VRK2: variants seen among roughly 807,000 people sequenced by gnomAD.
The protein encoded by VRK2 is serine/threonine-protein kinase VRK2.
In VRK2, 60 loss-of-function variants were observed where a neutral mutation model predicts 57.6. The observed-to-expected ratio is 1.04, with a 90% CI of 0.85 to 1.29. VRK2 has a LOEUF of 1.29. Ranked by LOEUF, VRK2 falls within the 50% of genes most tolerant of loss-of-function variation. The pLI, the probability that VRK2 is intolerant of heterozygous loss-of-function variation, is 0.00. For missense variants in VRK2, 705 were observed against 588.1 expected, an observed-to-expected ratio of 1.20 and a Z score of -2.06; for synonymous variants, 231 against 199.2, an observed-to-expected ratio of 1.16 and a Z score of -1.35.
intron 2 of VRK2, among the ~76,000 whole-genome samples, chr2:58,059,471 T>C (rs1446028911): frequency 4.6e-5 from 7 of 151,918 alleles, no homozygotes; most frequent in Admixed American, 6.6e-5. Context: ...TATTTTTTCA[T>C]TGGATAATAA....
At chr2:58,052,969 G>T (rs1344477541) in intron 2 of VRK2, among the ~76,000 whole-genome samples, 1 of 152,186 alleles carries the variant, frequency 6.6e-6, no homozygotes, top group Non-Finnish European at 1.5e-5. Context: ...TTTATCTGTA[G>T]CAGTTTTAGT....
At chr2:58,084,347 C>T (rs965914098) in intron 3 of VRK2, among the ~76,000 whole-genome samples, 1 of 151,722 alleles carries the variant, frequency 6.6e-6, no homozygotes, top group Non-Finnish European at 1.5e-5. Flanking sequence ...ATCTATCTAG[C>T]TATTCTTTCT....
At chr2:58,150,134 T>C (rs1682779528) in intron 12 of VRK2, among the ~76,000 whole-genome samples, 1 of 151,490 alleles carries the variant, frequency 6.6e-6, no homozygotes, top group African/African-American at 2.4e-5. Flanking sequence ...AGGGTCATTA[T>C]GAATTATACC....
In VRK2 at chr2:58,058,296, A is replaced by T. The variant is rs143891342; in HGVS notation, c.136+9329A>T. 1.1e-3 allele frequency: 509 copies of T among 464,154 alleles called. 1 individual carries two copies. The highest frequency in any genetic ancestry group is 1.9e-3 in the Non-Finnish European group (435 of 224,062). The allele number at this position is 464,154 out of a possible 1,614,324, so 28.8% of individuals were successfully genotyped here. ...ATGATGAATTTGCCTTTTAATAGGG[A>T]TGCTGTATTTTATCATGAAGATGAA... On this transcript the variant is annotated intron_variant, in intron 2 of 12. Coordinates refer to ENST00000340157, the MANE Select transcript of VRK2 (RefSeq NM_006296.7).
At chr2:57,937,440 G>C (rs1329676736) in intron 1 of VRK2, among the ~76,000 whole-genome samples, 1 of 152,032 alleles carries the variant, frequency 6.6e-6, no homozygotes, top group Non-Finnish European at 1.5e-5. Context: ...ACAAATCACA[G>C]CTTTTCTTAG....
At chr2:58,048,061 C>A (rs980444739) in intron 1 of VRK2, among the ~76,000 whole-genome samples, 2 of 152,138 alleles carry the variant, frequency 1.3e-5, no homozygotes, top group African/African-American at 4.8e-5. Flanking sequence ...TCTCTTTTAA[C>A]TCAGAATTTC....
chr2:58,038,240 T>G (rs889632965), intron 3 of VRK2, among the ~76,000 whole-genome samples: 1 of 152,080 alleles, frequency 6.6e-6, no homozygotes, highest in African/African-American at 2.4e-5. Flanking sequence ...TCTCACAAGA[T>G]CTAATGGTTT....
At chr2:58,047,860 A>G (rs1675092420) in intron 1 of VRK2, among the ~76,000 whole-genome samples, 1 of 152,228 alleles carries the variant, frequency 6.6e-6, no homozygotes, top group Non-Finnish European at 1.5e-5. Flanking sequence ...AAGGAAAAAC[A>G]GATACTTTCT....
chr2:57,989,545 T>C (rs1452669631), intron 1 of VRK2, among the ~76,000 whole-genome samples: 1 of 152,180 alleles, frequency 6.6e-6, no homozygotes, highest in Admixed American at 6.5e-5. Context: ...TTTGTTGTTT[T>C]CATAGTGACT....
intron 12 of VRK2, among the ~76,000 whole-genome samples, chr2:58,149,110 TC>T (rs984239247): frequency 3.3e-5 from 5 of 151,874 alleles, no homozygotes; most frequent in African/African-American, 1.2e-4. Context: ...CAATGTCGAC[TC>T]CTCCAGTGCA....
chr2:58,117,946 G>A (rs554992109), intron 7 of VRK2, among the ~76,000 whole-genome samples: 1 of 152,188 alleles, frequency 6.6e-6, no homozygotes, highest in East Asian at 1.9e-4. Context: ...CTCCAGAAAA[G>A]CAGAGAAAGG....
At chr2:57,908,981 A>T (rs1572847131) in intron 1 of VRK2, among the ~76,000 whole-genome samples, 1 of 152,200 alleles carries the variant, frequency 6.6e-6, no homozygotes, top group Admixed American at 6.5e-5. Flanking sequence ...ATAATTAGGG[A>T]CGTTCCAATA....
chr2:57,935,946 C>T (rs543328690), intron 1 of VRK2, among the ~76,000 whole-genome samples: 3 of 152,232 alleles, frequency 2.0e-5, no homozygotes, highest in Admixed American at 6.5e-5. Flanking sequence ...GGGACTTTTC[C>T]GGACTCCAGG....
At chr2:58,037,264 C>A (rs1369919281) in intron 3 of VRK2, among the ~76,000 whole-genome samples, 1 of 151,946 alleles carries the variant, frequency 6.6e-6, no homozygotes, top group African/African-American at 2.4e-5. Context: ...TACACGGTCG[C>A]AGGTGTTTCA....
intron 1 of VRK2, among the ~76,000 whole-genome samples, chr2:57,983,558 T>A (rs1368160874): frequency 6.6e-6 from 1 of 152,144 alleles, no homozygotes; most frequent in Non-Finnish European, 1.5e-5. Context: ...GGGAAAGGCA[T>A]AGAAAAAAAC....
chr2:58,046,875 C>T lies in VRK2; in HGVS notation c.-6+7C>T. ...CGGGGGATCCTGAGGCCCGGTCAGTCTCTTGCTCTGGGGTCTTGGGTGGCG... is the reference window on the plus strand; with the variant it reads ...CGGGGGATCCTGAGGCCCGGTCAGTTTCTTGCTCTGGGGTCTTGGGTGGCG... On this transcript the variant is annotated splice_region_variant and intron_variant, in intron 1 of 12. Coordinates refer to ENST00000340157, the MANE Select transcript of VRK2 (RefSeq NM_006296.7). The T allele has an allele frequency of 1.0e-6, 1 of 985,424 alleles. No individual in the cohort carries two copies. The highest frequency in any genetic ancestry group is 1.2e-6 in the Non-Finnish European group (1 of 829,932). The allele number at this position is 985,424 out of a possible 1,614,324, so 61.0% of individuals were successfully genotyped here. A position where few individuals can be genotyped will look rare whatever the true frequency, so the allele number is the denominator to read the frequency against.
chr2:58,081,158 G>T (rs1194816024), intron 2 of VRK2, among the ~76,000 whole-genome samples: 1 of 151,916 alleles, frequency 6.6e-6, no homozygotes, highest in Non-Finnish European at 1.5e-5. Context: ...ACATACACAA[G>T]AATTTTTCTT....
intron 1 of VRK2, among the ~76,000 whole-genome samples, chr2:57,922,454 T>TTGTGTGTG (rs59731064): frequency 0.013 from 1,980 of 147,036 alleles, 22 homozygotes; most frequent in African/African-American, 0.026. Flanking sequence ...AGTTACCTTC[T>TTGTGTGTG]TGTGTGTGTG....
At chr2:58,137,177 TATATC>T (rs1478528445) in intron 10 of VRK2, among the ~76,000 whole-genome samples, 2 of 112,972 alleles carry the variant, frequency 1.8e-5, no homozygotes, top group African/African-American at 4.6e-5. Context: ...ATATATCATA[TATATC>T]ATATATGATA....
Sources: gnomAD v4.1 joint callset for allele counts (sites outside exome capture counted in the v4.1 genomes callset) on GRCh38, gnomAD v4.1.1 for gene constraint, MANE v1.5 for transcripts, NCBI Gene and HGNC (gene_info 2026-07-23, HGNC 2026-07-21) for gene names.